The following NEMP2 variants were observed in gnomAD, a reference collection of about 807,000 sequenced individuals.
NEMP2 encodes UPF0571 transmembrane protein.
NEMP2 carries 53 observed loss-of-function variants against 54.2 expected under a neutral mutation model. The observed-to-expected ratio is 0.98, with a 90% confidence interval of 0.78 to 1.23. The LOEUF (loss-of-function observed/expected upper bound fraction) is 1.23, where lower values mean the gene tolerates loss of function less well. Among genes scored for constraint, NEMP2 ranks in the 50% most tolerant of loss-of-function variants. NEMP2 has a pLI of 0.00. For missense variants in NEMP2, 455 were observed against 511.3 expected, an observed-to-expected ratio of 0.89 and a Z score of 1.06; for synonymous variants, 197 against 190.3, an observed-to-expected ratio of 1.04 and a Z score of -0.29.
At chr2:190,534,438 G>T in intron 1 of NEMP2, 121 bp downstream of exon 1, 1 of 1,228,750 alleles carries the variant, frequency 8.1e-7, no homozygotes, top group Non-Finnish European at 1.0e-6. Context: ...GCGAGAAAAG[G>T]GAGCGCCCGC....
the NEMP2 span, among the ~76,000 whole-genome samples, chr2:190,632,030 T>C: frequency 6.6e-6 from 1 of 152,072 alleles, no homozygotes; most frequent in African/African-American, 2.4e-5. This position sits in a 1 kb window ranked among gnomAD's most constrained non-coding sequence, Gnocchi z 4.8. Context: ...CACTCTTGCC[T>C]GGGCAACTGG....
chr2:190,510,571 C>T lies in NEMP2; in HGVS notation c.954-34G>A. The T allele has an allele frequency of 6.5e-7, 1 of 1,549,486 alleles. No individual in the cohort carries two copies. The highest frequency in any genetic ancestry group is 8.7e-7 in the Non-Finnish European group (1 of 1,145,236). ...TGGCATGTGGTTGCAGGATTACTTC[C>T]TAATTCAATCCTTAAGATTTACAAA... On this transcript the variant is annotated intron_variant, in intron 7 of 8. Coordinates refer to ENST00000409150, the MANE Select transcript of NEMP2 (RefSeq NM_001142645.2). This position sits in a 1 kb window ranked among gnomAD's most constrained non-coding sequence, Gnocchi z 5.7.
chr2:190,489,014 G>A, the NEMP2 span, among the ~76,000 whole-genome samples: 1 of 152,180 alleles, frequency 6.6e-6, no homozygotes, highest in South Asian at 2.1e-4. The surrounding 1 kb of genome is among the most constrained non-coding windows in gnomAD (Gnocchi z 6.6). Flanking sequence ...ATCTGAGCCA[G>A]CCTGTAACTG....
At chr2:190,493,433 T>C in the NEMP2 span, among the ~76,000 whole-genome samples, 2 of 152,244 alleles carry the variant, frequency 1.3e-5, no homozygotes, top group African/African-American at 4.8e-5. Flanking sequence ...ACAATAATAG[T>C]GGGAGACGTC....
chr2:190,489,178 T>C, the NEMP2 span, among the ~76,000 whole-genome samples: 3 of 152,246 alleles, frequency 2.0e-5, no homozygotes, highest in African/African-American at 7.2e-5. This position sits in a 1 kb window ranked among gnomAD's most constrained non-coding sequence, Gnocchi z 6.6. Flanking sequence ...ATCATTGTTA[T>C]TCCATTAGGA....
chr2:190,436,834 TC>T, the NEMP2 span: 1 of 1,614,186 alleles, frequency 6.2e-7, no homozygotes, highest in Non-Finnish European at 8.5e-7. The surrounding 1 kb of genome is among the most constrained non-coding windows in gnomAD (Gnocchi z 5.3). Context: ...CACCACCAAA[TC>T]TTTACCTTCT....
At chr2:190,499,865 T>A, downstream of NEMP2, 2 of 1,550,638 alleles carry the variant, frequency 1.3e-6, no homozygotes, top group Non-Finnish European at 1.7e-6. This position sits in a 1 kb window ranked among gnomAD's most constrained non-coding sequence, Gnocchi z 6.0. Context: ...AGGTAAGACA[T>A]TCTATCCTTA....
downstream of NEMP2, chr2:190,500,026 G>GAA: frequency 6.2e-7 from 1 of 1,614,184 alleles, no homozygotes; most frequent in Admixed American, 1.7e-5. This position sits in a 1 kb window ranked among gnomAD's most constrained non-coding sequence, Gnocchi z 5.3. Flanking sequence ...GGACCAATGA[G>GAA]AATAGGGAAA....
chr2:190,447,246 A>ATTTTG, the NEMP2 span, among the ~76,000 whole-genome samples: 1 of 152,160 alleles, frequency 6.6e-6, no homozygotes, highest in Non-Finnish European at 1.5e-5. The surrounding 1 kb of genome is among the most constrained non-coding windows in gnomAD (Gnocchi z 4.5). Flanking sequence ...AGTGATTTCA[A>ATTTTG]TTTTGTTTTG....
Position 190,531,327 on chromosome 2 carries a change from C to A in NEMP2, c.97+3232G>T, listed in dbSNP as rs963777084. On this transcript the variant is annotated intron_variant, in intron 1 of 8. Coordinates refer to ENST00000409150, the MANE Select transcript of NEMP2 (RefSeq NM_001142645.2). This position sits in a 1 kb window ranked among gnomAD's most constrained non-coding sequence, Gnocchi z 4.7. ...GGAAGTGTAGGCTATCCCAGGTTTGCCTCAACCCTCAAGGACTGAGGAGTA... is the reference window on the plus strand; with the variant it reads ...GGAAGTGTAGGCTATCCCAGGTTTGACTCAACCCTCAAGGACTGAGGAGTA... Among the ~76,000 whole-genome samples the A allele has an allele frequency of 6.6e-6, 1 of 152,118 alleles. No homozygotes were observed. Among genetic ancestry groups the A allele is most frequent in the Non-Finnish European group, 1.5e-5 (1 of 68,026 alleles).
chr2:190,626,665 C>T, the NEMP2 span: 1 of 152,222 alleles, frequency 6.6e-6, no homozygotes, highest in Admixed American at 6.5e-5. The surrounding 1 kb of genome is among the most constrained non-coding windows in gnomAD (Gnocchi z 4.5). Context: ...TTCACATGAA[C>T]AGTTTATAGC....
At chr2:190,589,324 C>T in the NEMP2 span, among the ~76,000 whole-genome samples, 1 of 152,150 alleles carries the variant, frequency 6.6e-6, no homozygotes, top group Non-Finnish European at 1.5e-5. The surrounding 1 kb of genome is among the most constrained non-coding windows in gnomAD (Gnocchi z 4.3). Flanking sequence ...GAGTGCCTGA[C>T]CCTTGGAAGC....
rs1321658189 is a variant in NEMP2, at chr2:190,520,292, G to T, written c.214-1109C>A. Reference sequence around the variant, plus strand: ...CTGTAATTCAGGCTTCTCTCACCATGCCTGCTAAAGGACCAGATCCCAACC... The same window carrying T: ...CTGTAATTCAGGCTTCTCTCACCATTCCTGCTAAAGGACCAGATCCCAACC... On this transcript the variant is annotated intron_variant, in intron 2 of 8. Transcript: ENST00000409150. The surrounding 1 kb of genome is among the most constrained non-coding windows in gnomAD (Gnocchi z 5.4). 3.3e-5 allele frequency among the ~76,000 whole-genome samples: 5 copies of T among 152,154 alleles called. No individual in the cohort carries two copies. Among genetic ancestry groups the T allele is most frequent in the African/African-American group, 4.8e-5 (2 of 41,432 alleles).
the NEMP2 span, among the ~76,000 whole-genome samples, chr2:190,607,048 C>G: frequency 6.6e-6 from 1 of 152,116 alleles, no homozygotes; most frequent in Non-Finnish European, 1.5e-5. This position sits in a 1 kb window ranked among gnomAD's most constrained non-coding sequence, Gnocchi z 5.2. Context: ...TGAGGCACTT[C>G]CAGGGTTCAG....
the NEMP2 span, among the ~76,000 whole-genome samples, chr2:190,594,185 T>C: frequency 6.6e-6 from 1 of 152,188 alleles, no homozygotes; most frequent in Non-Finnish European, 1.5e-5. This position sits in a 1 kb window ranked among gnomAD's most constrained non-coding sequence, Gnocchi z 5.6. Context: ...TCCCTTTTAC[T>C]CGAGGTCCTA....
chr2:190,547,618 T>G, the NEMP2 span, among the ~76,000 whole-genome samples: 2 of 152,306 alleles, frequency 1.3e-5, no homozygotes, highest in African/African-American at 4.8e-5. The surrounding 1 kb of genome is among the most constrained non-coding windows in gnomAD (Gnocchi z 6.2). Context: ...CTCCACCTCC[T>G]GGGTTCAAGC....
chr2:190,532,095 G>T (rs1296090383), intron 1 of NEMP2, among the ~76,000 whole-genome samples: 1 of 152,152 alleles, frequency 6.6e-6, no homozygotes, highest in Non-Finnish European at 1.5e-5. Context: ...ACAAGGAAGG[G>T]GAGGGAGAAG....
At chr2:190,565,844 G>A in the NEMP2 span, among the ~76,000 whole-genome samples, 34 of 152,172 alleles carry the variant, frequency 2.2e-4, no homozygotes, top group Non-Finnish European at 4.3e-4. Context: ...GTCCTTATAA[G>A]AAGAGAAAGA....
chr2:190,627,409 G>A, the NEMP2 span, among the ~76,000 whole-genome samples: 3 of 152,100 alleles, frequency 2.0e-5, no homozygotes, highest in African/African-American at 4.8e-5. The surrounding 1 kb of genome is among the most constrained non-coding windows in gnomAD (Gnocchi z 4.4). Flanking sequence ...TTCACAAAAG[G>A]ATATTAAGAT....
Sources: allele counts gnomAD v4.1 joint callset (sites outside exome capture counted in the v4.1 genomes callset), GRCh38; gene constraint gnomAD v4.1.1; non-coding constraint Gnocchi (gnomAD v3.1); transcripts MANE v1.5; gene names NCBI Gene and HGNC (gene_info 2026-07-23, HGNC 2026-07-21).